The following CPEB2 variants were observed in gnomAD, a reference collection of about 807,000 sequenced individuals.
The protein encoded by CPEB2 is cytoplasmic polyadenylation element binding protein 2, also known as cytoplasmic polyadenylation element-binding protein 2.
Under a neutral mutation model 93.6 loss-of-function variants are expected in CPEB2, and 56 were observed. The ratio of observed to expected loss-of-function variants is 0.60; its 90% confidence interval spans 0.48 to 0.75. The LOEUF is 0.75. Ranked by LOEUF, CPEB2 falls within the 30% of genes least tolerant of loss-of-function variation. CPEB2 has a pLI of 0.00. For missense variants in CPEB2, 1,579 were observed against 1,395.1 expected (o/e 1.13, Z -2.10); for synonymous variants, 764 against 586.3 (o/e 1.30, Z -4.38).
intron 7 of CPEB2, 122 bp downstream of exon 7, chr4:15,052,706 G>A: frequency 1.9e-6 from 1 of 514,388 alleles, no homozygotes; most frequent in Non-Finnish European, 3.1e-6. Context: ...GAATTAGAAT[G>A]CATTTTCTTC....
chr4:15,054,089 G>A, intron 7 of CPEB2, 39 bp from the exon 8 acceptor site: 1 of 1,398,704 alleles, frequency 7.1e-7, no homozygotes, highest in East Asian at 2.3e-5. Flanking sequence ...ACGAATCACT[G>A]AAACTAATTT....
chr4:15,003,922 C>A lies in CPEB2; in HGVS notation c.1249C>A (p.Pro417Thr). Reference sequence around the variant, plus strand: ...ACCCCAGCAGCCGCCCCAGCCGCAGCCGCAGCCGCCCGGCTCGTCTGCCAC... The same window carrying A: ...ACCCCAGCAGCCGCCCCAGCCGCAGACGCAGCCGCCCGGCTCGTCTGCCAC... Reference protein sequence around the residue: ...PPPQQPPQPQPQPPGSSATTP... With the variant: ...PPPQQPPQPQTQPPGSSATTP... Residue 417 changes from proline to threonine, a missense_variant, in exon 1 of 12, where the codon CCG becomes ACG. Transcript: ENST00000538197. The A allele has an allele frequency of 9.4e-7, 1 of 1,065,144 alleles. No homozygotes were observed. Among genetic ancestry groups the A allele is most frequent in the Non-Finnish European group, 1.2e-6 (1 of 825,370 alleles). 66.0% of individuals were successfully genotyped at this position (1,065,144 alleles called of 1,614,324 possible).
rs764098094 is a variant in CPEB2 at position 15,004,056 on chromosome 4, C to T, written c.1383C>T (p.Phe461=). 6 of 1,566,870 alleles carry T rather than the reference C, an allele frequency of 3.8e-6. No individual in the cohort carries two copies. Among genetic ancestry groups the T allele is most frequent in the East Asian group, 2.6e-5 (1 of 38,674 alleles). ...PGLPSSMNPA[F]FPSFSPVSPH... ...TGCCGTCGTCCATGAACCCGGCCTT[C>T]TTCCCTAGCTTCTCGCCCGTGTCGC... is the stretch of plus-strand genomic sequence containing the variant. Residue 461 remains phenylalanine, a synonymous_variant, in exon 1 of 12, where the codon TTC becomes TTT. Coordinates refer to ENST00000538197, the MANE Select transcript of CPEB2 (RefSeq NM_001177382.2).
At position 15,034,929 on chromosome 4, in the gene CPEB2, G is replaced by A. The variant is rs562056882; in HGVS notation, c.2176+1718G>A. On this transcript the variant is annotated intron_variant, in intron 5 of 11. Coordinates refer to ENST00000538197, the MANE Select transcript of CPEB2 (RefSeq NM_001177382.2). ...CTATTTTTTAACTACGTGCAATTCA[G>A]CTATATTCTTAGCATATTGTCTTCC... Among the ~76,000 whole-genome samples, 8 of 152,248 alleles carry A rather than the reference G, an allele frequency of 5.3e-5. No homozygotes were observed. The East Asian group carries it at 1.4e-3, about 26-fold the overall frequency.
In CPEB2 at chr4:15,066,399, T is replaced by C. The variant is rs1481895210; in HGVS notation, c.*19T>C. 1 of 1,549,512 alleles carries C rather than the reference T, an allele frequency of 6.5e-7. No homozygotes were observed. Among genetic ancestry groups the C allele is most frequent in the Non-Finnish European group, 8.8e-7 (1 of 1,136,556 alleles). ...GAACTAAGAATAGCAAACTGGCCTC[T>C]GTTTAACAAGGAAAGAAAGGGTGCA... On this transcript the variant is annotated 3_prime_UTR_variant, in exon 12 of 12. Coordinates refer to ENST00000538197, the MANE Select transcript of CPEB2 (RefSeq NM_001177382.2).
chr4:15,009,098 C>T (rs1277944426), intron 3 of CPEB2, among the ~76,000 whole-genome samples: 1 of 152,046 alleles, frequency 6.6e-6, no homozygotes, highest in African/African-American at 2.4e-5. Flanking sequence ...TACTAGGTAC[C>T]AGGTGGTGAG....
At chr4:15,013,962 A>G (rs1459101240) in intron 3 of CPEB2, among the ~76,000 whole-genome samples, 1 of 152,064 alleles carries the variant, frequency 6.6e-6, no homozygotes, top group African/African-American at 2.4e-5. Flanking sequence ...TTATTAATAC[A>G]TGCAGCCTTT....
At position 15,033,163 on chromosome 4, in the gene CPEB2, C is replaced by A; in HGVS notation, c.2128C>A (p.Arg710=). Residue 710 remains arginine (R), a splice_region_variant and synonymous_variant, in exon 5 of 12, where the codon CGA becomes AGA. Transcript: ENST00000538197. The part of the protein sequence containing the change: ...MRAEHDPLKG[R]LSYPHPGTDN... ...TCACCTTTCCTGTCTTTTTAAAGGTCGATTGAGCTATCCACATCCAGGAAC... is the reference window on the plus strand; with the variant it reads ...TCACCTTTCCTGTCTTTTTAAAGGTAGATTGAGCTATCCACATCCAGGAAC... 1 of 1,602,028 alleles carries A rather than the reference C, an allele frequency of 6.2e-7. No homozygotes were observed. The highest frequency in any genetic ancestry group is 8.5e-7 in the Non-Finnish European group (1 of 1,171,172).
chr4:15,040,599 G>T, intron 6 of CPEB2, 112 bp downstream of exon 6: 2 of 982,670 alleles, frequency 2.0e-6, no homozygotes, highest in Non-Finnish European at 3.0e-6. Context: ...TCACACAATT[G>T]TATTTTGATT....
intron 3 of CPEB2, among the ~76,000 whole-genome samples, chr4:15,012,545 A>G (rs1723625526): frequency 6.6e-6 from 1 of 152,176 alleles, no homozygotes; most frequent in South Asian, 2.1e-4. Context: ...ATGTAGAACA[A>G]CTAGAGAATG....
intron 5 of CPEB2, 131 bp downstream of exon 5, chr4:15,033,342 C>G: frequency 1.2e-5 from 8 of 675,156 alleles, no homozygotes. Context: ...TACAACTATT[C>G]CTATGCAAAA....
intron 11 of CPEB2, among the ~76,000 whole-genome samples, chr4:15,062,909 A>T (rs1373481052): frequency 1.3e-5 from 2 of 152,102 alleles, no homozygotes; most frequent in African/African-American, 4.8e-5. Flanking sequence ...AATAATTCCA[A>T]GTACTGACTA....
At position 15,004,168 on chromosome 4, in the gene CPEB2, C is replaced by T; in HGVS notation, c.1495C>T (p.Pro499Ser). 1 of 1,444,452 alleles carries T rather than the reference C, an allele frequency of 6.9e-7. No homozygotes were observed. Among genetic ancestry groups the T allele is most frequent in the Non-Finnish European group, 9.0e-7 (1 of 1,107,442 alleles). 89.5% of individuals were successfully genotyped at this position (1,444,452 alleles called of 1,614,324 possible). The stretch of plus-strand genomic sequence containing the variant: ...CCCCTTCTCGGCTACCGCTGTGCCC[C>T]CTCCGCCGCCGCCCGCCATGAATAT... ...GGPFSATAVP[P>S]PPPPAMNIPQ... Residue 499 changes from proline to serine, a missense_variant, in exon 1 of 12, where the codon CCT becomes TCT. Physicochemically the swap from Pro to Ser is moderately conservative, Grantham distance 74. Transcript: ENST00000538197.
Position 15,004,272 on chromosome 4 carries a change from G to A in CPEB2, c.1599G>A (p.Gln533=). The change falls in exon 1 of 12, where the codon CAG becomes CAA. Residue 533 remains glutamine, a synonymous_variant. Coordinates refer to ENST00000538197, the MANE Select transcript of CPEB2 (RefSeq NM_001177382.2). ...SRRSPVSPQL[Q]QQHQAAAAAF... ...GGTCGCCCGTCAGCCCGCAGCTCCAGCAGCAGCACCAGGCGGCGGCCGCCG... is the reference window on the plus strand; with the variant it reads ...GGTCGCCCGTCAGCCCGCAGCTCCAACAGCAGCACCAGGCGGCGGCCGCCG... 2.0e-6 allele frequency: 3 copies of A among 1,493,144 alleles called. No homozygotes were observed. The highest frequency in any genetic ancestry group is 2.7e-6 in the Non-Finnish European group (3 of 1,128,850). 92.5% of individuals were successfully genotyped at this position (1,493,144 alleles called of 1,614,324 possible).
chr4:15,012,601 G>A (rs948816586), intron 3 of CPEB2, among the ~76,000 whole-genome samples: 1 of 152,102 alleles, frequency 6.6e-6, no homozygotes, highest in African/African-American at 2.4e-5. Context: ...CAGTAGAGTA[G>A]CACGTCATCT....
Position 15,067,367 on chromosome 4 carries a change from A to C in CPEB2, c.*987A>C, listed in dbSNP as rs921892307. ...ATTTTGTGATCTGGTCAGTAGTGGAATTCGATTTTATGCAGACTGGATGTA... is the reference window on the plus strand; with the variant it reads ...ATTTTGTGATCTGGTCAGTAGTGGACTTCGATTTTATGCAGACTGGATGTA... On this transcript the variant is annotated 3_prime_UTR_variant, in exon 12 of 12. Coordinates refer to ENST00000538197, the MANE Select transcript of CPEB2 (RefSeq NM_001177382.2). 1 of 152,522 alleles carries C rather than the reference A, an allele frequency of 6.6e-6. No individual in the cohort carries two copies. The highest frequency in any genetic ancestry group is 1.5e-5 in the Non-Finnish European group (1 of 67,980). 9.4% of individuals were successfully genotyped at this position (152,522 alleles called of 1,614,324 possible).
intron 3 of CPEB2, among the ~76,000 whole-genome samples, chr4:15,009,185 T>C (rs1188290293): frequency 6.6e-6 from 1 of 152,250 alleles, no homozygotes; most frequent in East Asian, 1.9e-4. Context: ...TGAATGAGCA[T>C]AGACTTAACG....
At chr4:15,053,638 A>G (rs1728446949) in intron 7 of CPEB2, among the ~76,000 whole-genome samples, 1 of 152,200 alleles carries the variant, frequency 6.6e-6, no homozygotes. Flanking sequence ...TAGCAATTGG[A>G]TGTAACCTAT....
intron 7 of CPEB2, 46 bp downstream of exon 7, chr4:15,052,630 A>G (rs748791290): frequency 7.9e-7 from 1 of 1,270,232 alleles, no homozygotes; most frequent in Admixed American, 2.6e-5. Context: ...GGCTTTAACA[A>G]AAACAAAAAG....
Sources: allele counts gnomAD v4.1 joint callset (sites outside exome capture counted in the v4.1 genomes callset), GRCh38; gene constraint gnomAD v4.1.1; transcripts MANE v1.5; gene names NCBI Gene and HGNC (gene_info 2026-07-23, HGNC 2026-07-21).